STX16: variants seen among roughly 807,000 people sequenced by gnomAD.
The protein encoded by STX16 is syntaxin-16.
STX16 carries 28 observed loss-of-function variants against 42.7 expected under a neutral mutation model. The ratio of observed to expected loss-of-function variants is 0.66; its 90% confidence interval spans 0.49 to 0.90. The LOEUF (loss-of-function observed/expected upper bound fraction) is 0.90. STX16 is among the 40% of genes least tolerant of loss of function. The probability of loss-of-function intolerance (pLI) is 0.00; values close to 1 mark genes in which losing one functional copy is unlikely to be tolerated. For missense variants in STX16, 361 were observed against 420.9 expected (o/e 0.86, Z 1.24); for synonymous variants, 156 against 155.2 (o/e 1.00, Z -0.04).
In STX16 at chr20:58,676,825, A is replaced by G. The variant is rs1568833709; in HGVS notation, c.*534A>G. The G allele has an allele frequency of 6.5e-6, 1 of 152,696 alleles. No individual in the cohort carries two copies. Among genetic ancestry groups the G allele is most frequent in the Non-Finnish European group, 1.5e-5 (1 of 68,072 alleles). The allele number at this position is 152,696 out of a possible 1,614,324, so 9.5% of individuals were successfully genotyped here. A position where few individuals can be genotyped will look rare whatever the true frequency, so the allele number is the denominator to read the frequency against. On this transcript the variant is annotated 3_prime_UTR_variant, in exon 9 of 9. Transcript: ENST00000371141. The stretch of plus-strand genomic sequence containing the variant: ...ACTAAGAAGTCCTTTAAGAATTTAT[A>G]ATCCGTTCCCCATTAACTTAATTTA...
intron 8 of STX16, among the ~76,000 whole-genome samples, chr20:58,673,993 C>A (rs2084043730): frequency 2.0e-5 from 3 of 152,134 alleles, no homozygotes; most frequent in Non-Finnish European, 1.5e-5. Flanking sequence ...GGAGTTCTTT[C>A]TTTTAGAAAA....
At chr20:58,675,751 A>G (rs1198277349) in intron 8 of STX16, among the ~76,000 whole-genome samples, 5 of 152,218 alleles carry the variant, frequency 3.3e-5, no homozygotes, top group Admixed American at 6.5e-5. Context: ...CCTGCCAGGT[A>G]CGGTCCTCCA....
rs1269663556 is a variant in STX16 at position 58,651,826 on chromosome 20, G to C, written c.-181G>C. The C allele has an allele frequency of 1.6e-6, 1 of 613,554 alleles. No homozygotes were observed. The highest frequency in any genetic ancestry group is 1.8e-5 in the African/African-American group (1 of 54,332). 38.0% of individuals were successfully genotyped at this position (613,554 alleles called of 1,614,324 possible). ...AATTGGAAAGCCTAGGTAGTTATTT[G>C]GGGAGGGGTCTCTACGCCTTGGCGA... On this transcript the variant is annotated 5_prime_UTR_variant, in exon 1 of 9. Transcript: ENST00000371141.
rs1256874085 is a variant in STX16, at chr20:58,671,183, G to A, written c.678G>A (p.Val226=). The change falls in exon 7 of 9, where the codon GTG becomes GTA. Residue 226 remains valine, a synonymous_variant. Transcript: ENST00000371141. ...TTACAGAGGACCAGTTAGTTCTGGT[G>A]GAGCAGAACACACTGATGGTGGAAG... ...RGFTEDQLVL[V]EQNTLMVEER... 1 of 1,614,020 alleles carries A rather than the reference G, an allele frequency of 6.2e-7. No individual in the cohort carries two copies.
At position 58,669,359 on chromosome 20, in the gene STX16, G is replaced by A; in HGVS notation, c.462G>A (p.Glu154=). 1 of 1,611,964 alleles carries A rather than the reference G, an allele frequency of 6.2e-7. No individual in the cohort carries two copies. Among genetic ancestry groups the A allele is most frequent in the Non-Finnish European group, 8.5e-7 (1 of 1,179,180 alleles). Residue 154 remains glutamate (E), a synonymous_variant, in exon 5 of 9, where the codon GAG becomes GAA. Transcript: ENST00000371141. Reference sequence around the variant, plus strand: ...GGGCCCGGGCCTGCTCCGAGCAGGAGGGGCGGCTGCTTGGGAACGTGGTGG... The same window carrying A: ...GGGCCCGGGCCTGCTCCGAGCAGGAAGGGCGGCTGCTTGGGAACGTGGTGG... ...PSRARACSEQ[E]GRLLGNVVAS...
Position 58,676,396 on chromosome 20 carries a change from T to C in STX16, c.*105T>C, listed in dbSNP as rs1371039643. On this transcript the variant is annotated 3_prime_UTR_variant, in exon 9 of 9. Transcript: ENST00000371141. ...CGCAGAGGTGCAGCCTCGAGGAATC[T>C]GAGGGCGTCGGGGCAGCGAACCTTT... The C allele has an allele frequency of 1.2e-5, 12 of 1,021,586 alleles. No individual in the cohort carries two copies. The highest frequency in any genetic ancestry group is 1.8e-5 in the Non-Finnish European group (12 of 653,930). 63.3% of individuals were successfully genotyped at this position (1,021,586 alleles called of 1,614,324 possible).
rs992197128 is a variant in STX16 at position 58,651,989 on chromosome 20, G to A, written c.-18G>A. 2 of 1,613,030 alleles carry A rather than the reference G, an allele frequency of 1.2e-6. No homozygotes were observed. Among genetic ancestry groups the A allele is most frequent in the South Asian group, 1.1e-5 (1 of 91,040 alleles). ...GTGGGCGGGGGGCCCCTGAGAGGGG[G>A]GTCGCAAAGGGTGAGACATGGCCAC... On this transcript the variant is annotated 5_prime_UTR_variant, in exon 1 of 9. Transcript: ENST00000371141.
At chr20:58,653,513 T>A (rs1424510757) in intron 1 of STX16, among the ~76,000 whole-genome samples, 4 of 152,184 alleles carry the variant, frequency 2.6e-5, no homozygotes, top group Admixed American at 2.6e-4. Context: ...GTTGAAGGGT[T>A]TTTTTTACAT....
Position 58,651,542 on chromosome 20 carries a change from T to A in STX16, c.-465T>A, listed in dbSNP as rs886056843. The A allele has an allele frequency of 6.3e-6, 1 of 159,068 alleles. No individual in the cohort carries two copies. The highest frequency in any genetic ancestry group is 6.1e-5 in the Admixed American group (1 of 16,304). 9.9% of individuals were successfully genotyped at this position (159,068 alleles called of 1,614,324 possible). A position where few individuals can be genotyped will look rare whatever the true frequency, so the allele number is the denominator to read the frequency against. ...TAGGCCAGGCCTCTGGTGCGGAAAC[T>A]GAGTCACAGCCAGACCTCAGGGCAC... On this transcript the variant is annotated 5_prime_UTR_variant, in exon 1 of 9. Coordinates refer to ENST00000371141, the MANE Select transcript of STX16 (RefSeq NM_001001433.3).
chr20:58,651,963 A>C lies in STX16; in HGVS notation c.-44A>C. 1 of 1,604,716 alleles carries C rather than the reference A, an allele frequency of 6.2e-7. No individual in the cohort carries two copies. On this transcript the variant is annotated 5_prime_UTR_variant, in exon 1 of 9. Coordinates refer to ENST00000371141, the MANE Select transcript of STX16 (RefSeq NM_001001433.3). ...AGAAAGTGAATAAATCAGGAATATA[A>C]GTGGGCGGGGGGCCCCTGAGAGGGG...
chr20:58,678,832 C>A lies in STX16; in HGVS notation c.*2541C>A, dbSNP rs2084203240. 1 of 152,228 alleles carries A rather than the reference C, an allele frequency of 6.6e-6. No individual in the cohort carries two copies. The highest frequency in any genetic ancestry group is 1.5e-5 in the Non-Finnish European group (1 of 68,112). The allele number at this position is 152,228 out of a possible 1,614,324, so 9.4% of individuals were successfully genotyped here. A position where few individuals can be genotyped will look rare whatever the true frequency, so the allele number is the denominator to read the frequency against. On this transcript the variant is annotated 3_prime_UTR_variant, in exon 9 of 9. Coordinates refer to ENST00000371141, the MANE Select transcript of STX16 (RefSeq NM_001001433.3). Reference sequence around the variant, plus strand: ...GTAAGAGAAAAGAATCATGGTACCTCAGGGTTTCTTTCCCTTTACTCGCTG... The same window carrying A: ...GTAAGAGAAAAGAATCATGGTACCTAAGGGTTTCTTTCCCTTTACTCGCTG...
At chr20:58,665,750 A>G (rs2083809019) in intron 2 of STX16, among the ~76,000 whole-genome samples, 1 of 152,184 alleles carries the variant, frequency 6.6e-6, no homozygotes, top group South Asian at 2.1e-4. Flanking sequence ...GCCCTGCAGC[A>G]TCCGTGCCAC....
At position 58,676,204 on chromosome 20, in the gene STX16, G is replaced by C; in HGVS notation, c.891G>C (p.Lys297Asn). ...TTTTGTAGGCAGAACAGTATCAAAA[G>C]AAGAATCGGAAGATGCTTGTGATTT... ...KQLHKAEQYQKKNRKMLVILI... is the reference protein window; with the variant it reads ...KQLHKAEQYQNKNRKMLVILI... Residue 297 changes from lysine to asparagine, a missense_variant, in exon 9 of 9, where the codon AAG becomes AAC. Lys to Asn is a moderately conservative substitution (Grantham distance 94). Coordinates refer to ENST00000371141, the MANE Select transcript of STX16 (RefSeq NM_001001433.3). 1 of 1,614,106 alleles carries C rather than the reference G, an allele frequency of 6.2e-7. No homozygotes were observed.
Position 58,660,061 on chromosome 20 carries a change from G to A in STX16, c.144+427G>A, listed in dbSNP as rs148962694. The stretch of plus-strand genomic sequence containing the variant: ...AGGACTGTAGCCACGGCAACTGTGG[G>A]AGGGTCTTCCTTGTCACTCCTGTCT... On this transcript the variant is annotated intron_variant, in intron 2 of 8. Transcript: ENST00000371141. 1.7e-3 allele frequency among the ~76,000 whole-genome samples: 252 copies of A among 152,310 alleles called. 1 individual carries two copies. The highest frequency in any genetic ancestry group is 3.5e-3 in the Admixed American group (53 of 15,302).
At chr20:58,652,373 C>G (rs1383867963) in intron 1 of STX16, 2 of 494,010 alleles carry the variant, frequency 4.0e-6, no homozygotes, top group Non-Finnish European at 7.2e-6. Context: ...TCCGCAGCAC[C>G]CCCCCCCCCG....
rs144865691 is a variant in STX16, at chr20:58,659,171, A to G, written c.133-452A>G. 1.6e-4 allele frequency among the ~76,000 whole-genome samples: 24 copies of G among 152,376 alleles called. No individual in the cohort carries two copies. In the East Asian group the frequency reaches 4.6e-3, roughly 29 times the overall value. ...TGTTGCATTTGCAGGTCTGATTTAC[A>G]TGTTAAAATATACATTTATTTAACA... On this transcript the variant is annotated intron_variant, in intron 1 of 8. Transcript: ENST00000371141.
rs773666010 is a variant in STX16, at chr20:58,659,604, G to A, written c.133-19G>A. 2 of 1,612,328 alleles carry A rather than the reference G, an allele frequency of 1.2e-6. No homozygotes were observed. The highest frequency in any genetic ancestry group is 1.7e-6 in the Non-Finnish European group (2 of 1,179,494). On this transcript the variant is annotated intron_variant, in intron 1 of 8. Transcript: ENST00000371141. ...TTCCCCAACTGGATGGGACTGATGGGGACAACATGTCTCTTCAGGAGCTGG... is the reference window on the plus strand; with the variant it reads ...TTCCCCAACTGGATGGGACTGATGGAGACAACATGTCTCTTCAGGAGCTGG...
rs987357656 is a variant in STX16, at chr20:58,651,767, G to T, written c.-240G>T. 3 of 470,076 alleles carry T rather than the reference G, an allele frequency of 6.4e-6. No homozygotes were observed. The highest frequency in any genetic ancestry group is 1.2e-5 in the Non-Finnish European group (3 of 257,464). 29.1% of individuals were successfully genotyped at this position (470,076 alleles called of 1,614,324 possible). On this transcript the variant is annotated 5_prime_UTR_variant, in exon 1 of 9. Transcript: ENST00000371141. ...GATTGGGGGGATTCAAGTGCTTAGA[G>T]ATCGAAGTCTGCCCTGGGTAGGGGG...
At chr20:58,671,337 C>A in intron 7 of STX16, 40 bp downstream of exon 7, 1 of 1,570,278 alleles carries the variant, frequency 6.4e-7, no homozygotes, top group Non-Finnish European at 8.7e-7. Context: ...GTTTTCCTGC[C>A]ATACTATCTG....
Sources: allele counts gnomAD v4.1 joint callset (sites outside exome capture counted in the v4.1 genomes callset), GRCh38; gene constraint gnomAD v4.1.1; transcripts MANE v1.5; gene names NCBI Gene and HGNC (gene_info 2026-07-23, HGNC 2026-07-21).